SMCO2: variants seen among roughly 807,000 people sequenced by gnomAD.
SMCO2 encodes single-pass membrane protein with coiled-coil domains 2, also known as single-pass membrane and coiled-coil domain-containing protein 2.
A neutral mutation model predicts 29.5 loss-of-function variants in SMCO2; 25 were observed. The observed-to-expected ratio is 0.85, with a 90% CI of 0.62 to 1.18. The LOEUF (loss-of-function observed/expected upper bound fraction) is 1.18, where lower values mean the gene tolerates loss of function less well. SMCO2 is among the 50% of genes most tolerant of loss of function. The probability of loss-of-function intolerance (pLI) is 0.00; values close to 1 mark genes in which losing one functional copy is unlikely to be tolerated. For synonymous variants in SMCO2, 117 were observed against 123.3 expected (o/e 0.95, Z 0.34); for missense variants, 348 against 344.5 (o/e 1.01, Z -0.08).
At chr12:27,460,624 G>A in the SMCO2 span, among the ~76,000 whole-genome samples, 1 of 152,188 alleles carries the variant, frequency 6.6e-6, no homozygotes, top group Non-Finnish European at 1.5e-5. Flanking sequence ...AGGGGTGGCA[G>A]AGGCAGAAGA....
the SMCO2 span, among the ~76,000 whole-genome samples, chr12:27,460,034 A>T: frequency 1.3e-5 from 2 of 152,250 alleles, no homozygotes; most frequent in African/African-American, 2.4e-5. Context: ...CTTGAAATTA[A>T]ATACCACAAA....
Position 27,488,133 on chromosome 12 carries a change from T to A in SMCO2, c.363-327T>A, listed in dbSNP as rs192337345. On this transcript the variant is annotated intron_variant, in intron 4 of 7. Coordinates refer to ENST00000298876, the Ensembl canonical transcript of SMCO2. ...TCCCTCTTACAGATTATATAATTGA[T>A]GTTAAGCCTAAGAACTCTTCTCCTA... 2.6e-5 allele frequency among the ~76,000 whole-genome samples: 4 copies of A among 152,314 alleles called. No individual in the cohort carries two copies. The East Asian group carries it at 7.7e-4, about 29-fold the overall frequency.
At chr12:27,472,655 G>A in intron 2 of SMCO2, 121 bp from the exon 3 acceptor site, 1 of 618,886 alleles carries the variant, frequency 1.6e-6, no homozygotes, top group South Asian at 2.2e-5. Context: ...TACAAGGATA[G>A]CAGATGCTCC....
the SMCO2 span, among the ~76,000 whole-genome samples, chr12:27,442,415 A>G: frequency 6.6e-6 from 1 of 152,204 alleles, no homozygotes. Flanking sequence ...AGAGACTAGT[A>G]TGAACAACTG....
chr12:27,475,476 G>A, intron 4 of SMCO2, 106 bp from the exon 5 acceptor site: 1 of 1,252,580 alleles, frequency 8.0e-7, no homozygotes, highest in East Asian at 3.0e-5. Context: ...TTGGTGACAA[G>A]GAAGACTAAA....
chr12:27,501,415 C>CAAAAAAAAAAAAAAA (rs540673188), intron 7 of SMCO2, among the ~76,000 whole-genome samples: 2 of 85,876 alleles, frequency 2.3e-5, no homozygotes, highest in African/African-American at 9.6e-5. Flanking sequence ...GACTCCGTCT[C>CAAAAAAAAAAAAAAA]AAAAAAAAAA....
upstream of SMCO2, among the ~76,000 whole-genome samples, chr12:27,463,334 G>A (rs185349750): frequency 6.6e-6 from 1 of 152,184 alleles, no homozygotes; most frequent in African/African-American, 2.4e-5. Context: ...GCATGATCTC[G>A]GCTCACTGCA....
rs577447329 is a variant in SMCO2, at chr12:27,495,231, T to G, written c.508-449T>G. On this transcript the variant is annotated intron_variant, in intron 6 of 7. Coordinates refer to ENST00000298876, the Ensembl canonical transcript of SMCO2. ...TTTGTTTTCTCTTTAGTGTGTATCT[T>G]AACATGTAATATAGAATGTATGTAT... 2.9e-5 allele frequency among the ~76,000 whole-genome samples: 4 copies of G among 138,882 alleles called. No individual in the cohort carries two copies. In the East Asian group the frequency reaches 7.8e-4, roughly 27 times the overall value. 91.1% of individuals were successfully genotyped at this position (138,882 alleles called of 152,430 possible).
chr12:27,467,276 G>A (rs1425256640), intron 1 of SMCO2, among the ~76,000 whole-genome samples: 1 of 152,022 alleles, frequency 6.6e-6, no homozygotes, highest in Admixed American at 6.5e-5. Flanking sequence ...AAGGAGGAGG[G>A]ATTCACTCCA....
rs1318758571 is a variant in SMCO2 at position 27,470,698 on chromosome 12, C to T, written c.67C>T (p.Gln23Ter). Residue 23 changes from glutamine (Q) to a stop codon, truncating the protein, a stop_gained, in exon 2 of 8, where the codon CAA becomes TAA. Transcript: ENST00000298876. LOFTEE classifies it high-confidence loss of function. ...GCAGATGAAGATGGACTGCCAGGAA[C>T]AACAGCTGACTAAGAAAAACAATGG... The T allele has an allele frequency of 3.2e-6, 5 of 1,551,222 alleles. No individual in the cohort carries two copies. In the South Asian group the frequency reaches 4.8e-5, roughly 15 times the overall value.
At chr12:27,441,970 C>T in the SMCO2 span, among the ~76,000 whole-genome samples, 2 of 151,950 alleles carry the variant, frequency 1.3e-5, no homozygotes, top group Non-Finnish European at 2.9e-5. Context: ...ACCAATGGGT[C>T]AATGAAGAAA....
intron 7 of SMCO2, among the ~76,000 whole-genome samples, chr12:27,499,708 C>T (rs1943054816): frequency 6.6e-6 from 1 of 150,746 alleles, no homozygotes; most frequent in Non-Finnish European, 1.5e-5. Flanking sequence ...ATCTTTTTCT[C>T]ACATGATTAC....
intron 6 of SMCO2, 64 bp downstream of exon 7, chr12:27,494,420 G>T: frequency 8.5e-7 from 1 of 1,172,644 alleles, no homozygotes; most frequent in Non-Finnish European, 1.2e-6. Context: ...TAAATACAGG[G>T]GTCATTCATT....
intron 4 of SMCO2, among the ~76,000 whole-genome samples, chr12:27,480,927 CA>C (rs1949637414): frequency 2.6e-5 from 4 of 152,174 alleles, no homozygotes; most frequent in Non-Finnish European, 1.5e-5. Flanking sequence ...CAGACTAACA[CA>C]CTGTCAGTGG....
At chr12:27,450,896 C>T in the SMCO2 span, among the ~76,000 whole-genome samples, 1 of 152,130 alleles carries the variant, frequency 6.6e-6, no homozygotes, top group African/African-American at 2.4e-5. Flanking sequence ...ACGAGGCTAT[C>T]CTCACAGGGA....
intron 7 of SMCO2, chr12:27,497,900 TG>T: frequency 2.8e-6 from 1 of 351,112 alleles, no homozygotes. Context: ...AAAGATTGGT[TG>T]GTATGATCCT....
the SMCO2 span, among the ~76,000 whole-genome samples, chr12:27,456,702 A>G: frequency 6.6e-6 from 1 of 151,948 alleles, no homozygotes; most frequent in African/African-American, 2.4e-5. Context: ...TTTTTCCCCA[A>G]ACTTTTACGT....
At chr12:27,464,906 G>C (rs974707180), upstream of SMCO2, among the ~76,000 whole-genome samples, 6 of 150,674 alleles carry the variant, frequency 4.0e-5, no homozygotes, top group African/African-American at 1.5e-4. Context: ...GCGGGTGCCT[G>C]TAGTCCCAGC....
upstream of SMCO2, among the ~76,000 whole-genome samples, chr12:27,462,408 G>C (rs996784772): frequency 1.3e-5 from 2 of 152,136 alleles, no homozygotes; most frequent in African/African-American, 2.4e-5. Flanking sequence ...TAACGGGCTA[G>C]AAGCCAGGGA....
Sources: allele counts gnomAD v4.1 joint callset (sites outside exome capture counted in the v4.1 genomes callset), GRCh38; gene constraint gnomAD v4.1.1; transcripts MANE v1.5; gene names NCBI Gene and HGNC (gene_info 2026-07-23, HGNC 2026-07-21).